TRIP12: variants seen among roughly 807,000 people sequenced by gnomAD.
TRIP12 encodes the protein thyroid hormone receptor interactor 12, also known as E3 ubiquitin-protein ligase TRIP12.
TRIP12 carries 25 observed loss-of-function variants against 244.2 expected under a neutral mutation model. The ratio of observed to expected loss-of-function variants is 0.10; its 90% CI spans 0.07 to 0.14. TRIP12 has a LOEUF of 0.14. Among genes scored for constraint, TRIP12 ranks in the 10% least tolerant of loss-of-function variants. The probability of loss-of-function intolerance (pLI) is 1.00; values close to 1 mark genes in which losing one functional copy is unlikely to be tolerated. For synonymous variants in TRIP12, 905 were observed against 873.1 expected (o/e 1.04, Z -0.64); for missense variants, 1,677 against 2,486.4 (o/e 0.67, Z 6.92).
At chr2:229,903,148 C>A (rs1241395996) in intron 1 of TRIP12, among the ~76,000 whole-genome samples, 1 of 150,664 alleles carries the variant, frequency 6.6e-6, no homozygotes, top group Non-Finnish European at 1.5e-5. Flanking sequence ...ACAACAGTAT[C>A]TTTTCTTCTT....
intron 2 of TRIP12, among the ~76,000 whole-genome samples, chr2:229,874,329 A>G (rs2063218246): frequency 6.6e-6 from 1 of 152,196 alleles, no homozygotes; most frequent in African/African-American, 2.4e-5. Context: ...ACTCTCATGA[A>G]GTATTAGAAG....
chr2:229,830,089 T>A (rs1207123555), intron 7 of TRIP12, among the ~76,000 whole-genome samples: 1 of 152,190 alleles, frequency 6.6e-6, no homozygotes, highest in African/African-American at 2.4e-5. Flanking sequence ...CTGAGATCTG[T>A]TATAAATCAA....
chr2:229,884,045 A>AG (rs2065424615), intron 1 of TRIP12, among the ~76,000 whole-genome samples: 1 of 151,690 alleles, frequency 6.6e-6, no homozygotes, highest in African/African-American at 2.4e-5. Context: ...CAGGGGGCAG[A>AG]GGTTGCAGTG....
chr2:229,826,214 C>T (rs1267566785), intron 8 of TRIP12, among the ~76,000 whole-genome samples: 1 of 152,104 alleles, frequency 6.6e-6, no homozygotes, highest in Non-Finnish European at 1.5e-5. Context: ...TAAAATACTA[C>T]CATTTTGTAA....
intron 7 of TRIP12, 127 bp from the exon 8 acceptor site, chr2:229,829,415 T>G (rs1424477377): frequency 3.0e-5 from 21 of 696,370 alleles, no homozygotes; most frequent in Non-Finnish European, 4.6e-6. Flanking sequence ...CTTTCTGGAC[T>G]TTTAAGAGAA....
chr2:229,826,964 AT>A (rs2051817912), intron 8 of TRIP12, among the ~76,000 whole-genome samples: 1 of 152,128 alleles, frequency 6.6e-6, no homozygotes. Flanking sequence ...TGTATACTAA[AT>A]TTTTAAGAAA....
Position 229,799,277 on chromosome 2 carries a change from G to GGTTAA in TRIP12, c.3307+5_3307+6insTTAAC. ...TACCTCCCCATAGTTTCATCAAAGGGGTTACCTTGATTGTCTACTTTGTCA... is the reference window on the plus strand; with the variant it reads ...TACCTCCCCATAGTTTCATCAAAGGGGTTAAGTTACCTTGATTGTCTACTTTGTCA... On this transcript the variant is annotated splice_donor_region_variant and intron_variant, in intron 22 of 41. Coordinates refer to ENST00000675903, the MANE Select transcript of TRIP12 (RefSeq NM_001348323.3). 2 of 1,613,872 alleles carry GGTTAA rather than the reference G, an allele frequency of 1.2e-6. No individual in the cohort carries two copies. Among genetic ancestry groups the GGTTAA allele is most frequent in the Non-Finnish European group, 1.7e-6 (2 of 1,179,818 alleles).
chr2:229,906,649 G>A (rs1560282564), intron 1 of TRIP12, among the ~76,000 whole-genome samples: 1 of 150,986 alleles, frequency 6.6e-6, no homozygotes, highest in Non-Finnish European at 1.5e-5. Flanking sequence ...GAACCTGGGA[G>A]GCAGAGGTTG....
intron 39 of TRIP12, among the ~76,000 whole-genome samples, chr2:229,770,475 C>CA (rs201995533): frequency 1.3e-5 from 2 of 152,144 alleles, no homozygotes; most frequent in Non-Finnish European, 2.9e-5. Context: ...TTAAGTTAAT[C>CA]AAAAATTTAT....
chr2:229,822,296 C>T (rs2050280936), intron 8 of TRIP12, among the ~76,000 whole-genome samples: 1 of 152,146 alleles, frequency 6.6e-6, no homozygotes, highest in South Asian at 2.1e-4. Flanking sequence ...ACCTGAACTC[C>T]CAAGATAATC....
intron 4 of TRIP12, 110 bp downstream of exon 4, chr2:229,858,662 G>T: frequency 1.1e-6 from 1 of 922,310 alleles, no homozygotes; most frequent in Non-Finnish European, 1.6e-6. Context: ...ATACATCTAA[G>T]ATTATCTAAG....
chr2:229,859,333 T>C lies in TRIP12; in HGVS notation c.466A>G (p.Arg156Gly). ...AGTTGTTGCTCCTGGTCTAAATGTC[T>C]CTTCTTTGACTTACTATGTGGCTTA... ...TNKPHSKSKK[R>G]HLDQEQQLKS... The change falls in exon 4 of 42, where the codon AGA (arginine) becomes GGA (glycine). Residue 156 changes from arginine to glycine, a missense_variant. Transcript: ENST00000675903. 1 of 1,614,236 alleles carries C rather than the reference T, an allele frequency of 6.2e-7. No homozygotes were observed. The highest frequency in any genetic ancestry group is 8.5e-7 in the Non-Finnish European group (1 of 1,180,048).
intron 8 of TRIP12, among the ~76,000 whole-genome samples, chr2:229,824,495 CA>C (rs2050959733): frequency 1.3e-5 from 2 of 152,096 alleles, no homozygotes; most frequent in African/African-American, 4.8e-5. Context: ...AGCTACATTT[CA>C]CTGAAGCCTT....
Position 229,797,708 on chromosome 2 carries a change from G to A in TRIP12, c.3606C>T (p.Thr1202=), listed in dbSNP as rs376104927. Residue 1202 remains threonine, a synonymous_variant, in exon 24 of 42, where the codon ACC becomes ACT. Transcript: ENST00000675903. ...ACAGCACCTGGAGGTTGAGTTGTTC[G>A]GTTGCAGCACAAAGTCTCTGAAGGA... ...LNVLQRLCAA[T]EQLNLQVDGG... The A allele has an allele frequency of 3.0e-5, 48 of 1,613,478 alleles. No homozygotes were observed. Among genetic ancestry groups the A allele is most frequent in the South Asian group, 2.6e-4 (24 of 90,886 alleles).
At chr2:229,845,349 G>A (rs983453346) in intron 4 of TRIP12, among the ~76,000 whole-genome samples, 3 of 152,130 alleles carry the variant, frequency 2.0e-5, no homozygotes, top group Admixed American at 1.3e-4. Context: ...GTTGACAAAC[G>A]GCAGCCTGTG....
intron 1 of TRIP12, among the ~76,000 whole-genome samples, chr2:229,886,220 T>C (rs1240796587): frequency 3.9e-5 from 6 of 152,188 alleles, no homozygotes; most frequent in Admixed American, 2.0e-4. Context: ...AAACCTGAAA[T>C]AGCTGTATCT....
In TRIP12 at chr2:229,815,297, A is replaced by C; in HGVS notation, c.1611T>G (p.Leu537=). 2 of 1,443,406 alleles carry C rather than the reference A, an allele frequency of 1.4e-6. No individual in the cohort carries two copies. The highest frequency in any genetic ancestry group is 1.9e-6 in the Non-Finnish European group (2 of 1,034,190). 89.4% of individuals were successfully genotyped at this position (1,443,406 alleles called of 1,614,324 possible). The part of the protein sequence containing the change: ...KSVVPALITL[L]QMEHNFDIMN... ...CAATATCAAAATTGTGCTCCATCTG[A>C]AGTAACGTAATCTGTTAAAAAGATA... is the stretch of plus-strand genomic sequence containing the variant. Residue 537 remains leucine (L), a synonymous_variant, in exon 10 of 42, where the codon CTT becomes CTG. Coordinates refer to ENST00000675903, the MANE Select transcript of TRIP12 (RefSeq NM_001348323.3).
intron 8 of TRIP12, among the ~76,000 whole-genome samples, chr2:229,822,777 A>G (rs560883946): frequency 4.5e-4 from 69 of 152,334 alleles, no homozygotes; most frequent in East Asian, 1.7e-3. Context: ...TCTAGAATGA[A>G]AAGACAAATG....
upstream of TRIP12, among the ~76,000 whole-genome samples, chr2:229,922,865 C>T (rs764027415): frequency 1.3e-5 from 2 of 152,200 alleles, no homozygotes; most frequent in Non-Finnish European, 2.9e-5. Flanking sequence ...TCCTTTCCCG[C>T]CACCCCGGCT....
Sources: gnomAD v4.1 joint callset for allele counts (sites outside exome capture counted in the v4.1 genomes callset) on GRCh38, gnomAD v4.1.1 for gene constraint, MANE v1.5 for transcripts, NCBI Gene and HGNC (gene_info 2026-07-23, HGNC 2026-07-21) for gene names.